Variants in GARNL3 observed in about 807,000 individuals in gnomAD.
GARNL3 encodes GTPase-activating Rap/Ran-GAP domain-like protein 3.
GARNL3 carries 63 observed loss-of-function variants against 125.0 expected under a neutral mutation model. The observed-to-expected ratio is 0.50, with a 90% confidence interval of 0.41 to 0.62. The LOEUF (loss-of-function observed/expected upper bound fraction) is 0.62. GARNL3 is among the 20% of genes least tolerant of loss of function. The pLI is 0.00. For missense variants in GARNL3, 994 were observed against 1,244.0 expected (o/e 0.80, Z 3.02); for synonymous variants, 439 against 457.5 (o/e 0.96, Z 0.52).
At chr9:127,283,900 T>G (rs965285074) in intron 1 of GARNL3, among the ~76,000 whole-genome samples, 1 of 152,188 alleles carries the variant, frequency 6.6e-6, no homozygotes, top group African/African-American at 2.4e-5. Context: ...AGCAGAGATA[T>G]AAGACCAAAT....
chr9:127,339,815 C>A (rs141075840), intron 13 of GARNL3, 64 bp downstream of exon 13: 5 of 977,860 alleles, frequency 5.1e-6, no homozygotes, highest in Non-Finnish European at 8.3e-6. Context: ...TCTTCAGATT[C>A]TCCCAGAATG....
rs2064403715 is a variant in GARNL3, at chr9:127,291,163, C to G, written c.145-5C>G. ...CTTCCTAATTGAATGCTTTTTCCCC[C>G]CTAGCTTATTTCCAGTGATGCTGAT... On this transcript the variant is annotated splice_region_variant and splice_polypyrimidine_tract_variant and intron_variant, in intron 1 of 27. Coordinates refer to ENST00000373387, the MANE Select transcript of GARNL3 (RefSeq NM_032293.5). 6.2e-7 allele frequency: 1 copy of G among 1,613,828 alleles called. No homozygotes were observed.
chr9:127,329,953 G>C (rs1026517559), intron 7 of GARNL3, among the ~76,000 whole-genome samples: 3 of 152,184 alleles, frequency 2.0e-5, no homozygotes, highest in African/African-American at 4.8e-5. Context: ...AGCTCAGCTG[G>C]ACCTGATCCT....
chr9:127,272,211 A>G (rs1415947789), intron 1 of GARNL3, among the ~76,000 whole-genome samples: 1 of 150,134 alleles, frequency 6.7e-6, no homozygotes, highest in Non-Finnish European at 1.5e-5. Context: ...TGCTTTGCTA[A>G]TGAGTGATTT....
At chr9:127,317,733 A>AC (rs2065279544) in intron 4 of GARNL3, among the ~76,000 whole-genome samples, 1 of 151,580 alleles carries the variant, frequency 6.6e-6, no homozygotes, top group Admixed American at 6.6e-5. Context: ...AAACAAAACA[A>AC]AACAACAACA....
chr9:127,362,235 A>AT lies in GARNL3; in HGVS notation c.2095-3050dup, dbSNP rs34575595. ...AGGTGCCCACCACCACACCCGACTA[A>AT]TTTTTTTTTTTTTTTGTATTTTTAG... is the stretch of plus-strand genomic sequence containing the variant. On this transcript the variant is annotated intron_variant, in intron 21 of 27. Transcript: ENST00000373387. The AT allele has an allele frequency of 5.1e-3, 722 of 142,546 alleles. 2 individuals carry two copies. The highest frequency in any genetic ancestry group is 0.012 in the East Asian group (60 of 4,972). 8.8% of individuals were successfully genotyped at this position (142,546 alleles called of 1,614,324 possible). A position where few individuals can be genotyped will look rare whatever the true frequency, so the allele number is the denominator to read the frequency against.
intron 1 of GARNL3, among the ~76,000 whole-genome samples, chr9:127,281,925 C>A: frequency 6.6e-6 from 1 of 152,154 alleles, no homozygotes; most frequent in East Asian, 1.9e-4. Context: ...TTTAAATAAA[C>A]CAGCTTATGT....
chr9:127,313,448 G>A lies in GARNL3; in HGVS notation c.327G>A (p.Gln109=), dbSNP rs764258784. 9 of 1,612,416 alleles carry A rather than the reference G, an allele frequency of 5.6e-6. No homozygotes were observed. Among genetic ancestry groups the A allele is most frequent in the Non-Finnish European group, 5.9e-6 (7 of 1,178,588 alleles). The part of the protein sequence containing the change: ...YFKYFLGQVH[Q]NYIGNDAEKS... The stretch of plus-strand genomic sequence containing the variant: ...TAAACCTTTCTTTTCCAGTCCATCA[G>A]AACTACATTGGAAACGATGCCGAGA... Residue 109 remains glutamine, a synonymous_variant, in exon 4 of 28, where the codon CAG becomes CAA. Transcript: ENST00000373387.
At chr9:127,328,874 A>G (rs1453188703) in intron 7 of GARNL3, among the ~76,000 whole-genome samples, 2 of 152,176 alleles carry the variant, frequency 1.3e-5, no homozygotes, top group African/African-American at 4.8e-5. Flanking sequence ...ATTCCATCCA[A>G]GCAGGAATGA....
At chr9:127,325,400 G>C (rs1035218161) in intron 7 of GARNL3, among the ~76,000 whole-genome samples, 10 of 152,164 alleles carry the variant, frequency 6.6e-5, no homozygotes, top group Non-Finnish European at 1.3e-4. Flanking sequence ...AAAGTAGGGT[G>C]TGTGTGCTTT....
At chr9:127,287,651 G>A (rs2131357620) in intron 1 of GARNL3, among the ~76,000 whole-genome samples, 1 of 152,352 alleles carries the variant, frequency 6.6e-6, no homozygotes, top group Non-Finnish European at 1.5e-5. Flanking sequence ...TGCTGGCCCT[G>A]AGTGTGACCA....
intron 1 of GARNL3, among the ~76,000 whole-genome samples, chr9:127,269,190 A>G (rs1213963665): frequency 2.6e-5 from 4 of 152,072 alleles, no homozygotes; most frequent in East Asian, 1.9e-4. Flanking sequence ...AGTAGAGACA[A>G]GGTCTCTCTA....
At position 127,384,126 on chromosome 9, in the gene GARNL3, C is replaced by T. The variant is rs957907424; in HGVS notation, c.2269+581C>T. On this transcript the variant is annotated intron_variant, in intron 23 of 27. Coordinates refer to ENST00000373387, the MANE Select transcript of GARNL3 (RefSeq NM_032293.5). This position sits in a 1 kb window ranked among gnomAD's most constrained non-coding sequence, Gnocchi z 4.0. ...ATAAAACTGTGTGTTAATAGGTCCA[C>T]AGGACAGCATTTTGAGAGGAAGGCA... is the stretch of plus-strand genomic sequence containing the variant. 7.2e-5 allele frequency among the ~76,000 whole-genome samples: 11 copies of T among 152,210 alleles called. No individual in the cohort carries two copies. Among genetic ancestry groups the T allele is most frequent in the African/African-American group, 2.7e-4 (11 of 41,448 alleles).
At chr9:127,387,100 C>A in intron 24 of GARNL3, 93 bp from the exon 25 acceptor site, 2 of 1,312,888 alleles carry the variant, frequency 1.5e-6, no homozygotes, top group Non-Finnish European at 2.1e-6. Flanking sequence ...AGGATGGGGA[C>A]CAGTTGGAGG....
chr9:127,280,837 A>C lies in GARNL3; in HGVS notation c.145-10331A>C, dbSNP rs544674828. On this transcript the variant is annotated intron_variant, in intron 1 of 27. Coordinates refer to ENST00000373387, the MANE Select transcript of GARNL3 (RefSeq NM_032293.5). The surrounding 1 kb of genome is among the most constrained non-coding windows in gnomAD (Gnocchi z 4.5). The stretch of plus-strand genomic sequence containing the variant: ...GCCTCATGTTTCTCAGTAAAATAGC[A>C]GAAAGGTCATCTGTTAGGAGAAAGG... 2.6e-5 allele frequency among the ~76,000 whole-genome samples: 4 copies of C among 152,358 alleles called. No individual in the cohort carries two copies. In the South Asian group the frequency reaches 8.3e-4, roughly 32 times the overall value.
At chr9:127,256,102 C>T (rs562282248) in intron 2 of GARNL3, among the ~76,000 whole-genome samples, 4 of 152,146 alleles carry the variant, frequency 2.6e-5, no homozygotes, top group East Asian at 1.9e-4. Context: ...ATTAAGTTTC[C>T]GTTTAATACA....
Position 127,291,258 on chromosome 9 carries a change from C to A in GARNL3, c.219+16C>A. On this transcript the variant is annotated intron_variant, in intron 2 of 27. Transcript: ENST00000373387. ...TTCAGATGAGGTAAGGAAGCCTCCC[C>A]ACTTCCTGTAATGCCACCAAGCACA... 6.2e-7 allele frequency: 1 copy of A among 1,607,786 alleles called. No homozygotes were observed. The highest frequency in any genetic ancestry group is 2.2e-5 in the East Asian group (1 of 44,840).
chr9:127,336,730 C>T (rs997683097), intron 11 of GARNL3, among the ~76,000 whole-genome samples: 1 of 152,226 alleles, frequency 6.6e-6, no homozygotes, highest in African/African-American at 2.4e-5. Context: ...CTGTTCAGCT[C>T]ATATTGCTGG....
chr9:127,363,599 A>G (rs1455554711), intron 21 of GARNL3: 1 of 152,602 alleles, frequency 6.6e-6, no homozygotes, highest in Non-Finnish European at 1.5e-5. Context: ...AGGGTCAGCC[A>G]GTGCAGGGCC....
Sources: allele counts gnomAD v4.1 joint callset (sites outside exome capture counted in the v4.1 genomes callset), GRCh38; gene constraint gnomAD v4.1.1; non-coding constraint Gnocchi (gnomAD v3.1); transcripts MANE v1.5; gene names NCBI Gene and HGNC (gene_info 2026-07-23, HGNC 2026-07-21).